MGST2: variants seen among roughly 807,000 people sequenced by gnomAD.
MGST2 encodes the protein microsomal glutathione S-transferase 2.
In MGST2, 9 loss-of-function variants were observed where a neutral mutation model predicts 16.6. That is an observed-to-expected ratio of 0.54 (90% CI 0.33 to 0.95). The LOEUF is 0.95. Ranked by LOEUF, MGST2 falls within the 40% of genes least tolerant of loss-of-function variation. The probability of loss-of-function intolerance (pLI) is 0.03; values close to 1 mark genes in which losing one functional copy is unlikely to be tolerated. For missense variants in MGST2, 159 were observed against 175.1 expected, an observed-to-expected ratio of 0.91 and a Z score of 0.52; for synonymous variants, 79 against 68.0, an observed-to-expected ratio of 1.16 and a Z score of -0.79.
chr4:139,685,713 G>T (rs2320532), intron 2 of MGST2, among the ~76,000 whole-genome samples: 42,736 of 152,098 alleles, frequency 0.28, 6,890 homozygotes, highest in East Asian at 0.51. Context: ...GCCCATACTG[G>T]AGTGCAATGG....
At chr4:139,676,441 A>G (rs1361072249) in intron 1 of MGST2, among the ~76,000 whole-genome samples, 4 of 152,192 alleles carry the variant, frequency 2.6e-5, no homozygotes, top group Non-Finnish European at 4.4e-5. Flanking sequence ...CAAGTCTGAA[A>G]TCTGCAGGAA....
intron 1 of MGST2, among the ~76,000 whole-genome samples, chr4:139,671,032 T>A (rs1477847337): frequency 1.3e-5 from 2 of 152,240 alleles, no homozygotes; most frequent in Admixed American, 1.3e-4. Context: ...AGGGCGTGAC[T>A]TAACCCTTGC....
the MGST2 span, among the ~76,000 whole-genome samples, chr4:139,752,370 T>C: frequency 6.6e-6 from 1 of 152,220 alleles, no homozygotes; most frequent in Non-Finnish European, 1.5e-5. Context: ...ACTAGGCTCC[T>C]ATACAACCAC....
intron 5 of MGST2, among the ~76,000 whole-genome samples, chr4:139,731,677 G>T (rs1412215339): frequency 6.6e-6 from 1 of 152,044 alleles, no homozygotes; most frequent in Non-Finnish European, 1.5e-5. Context: ...GTTGGATTGG[G>T]TCTCTTGATT....
chr4:139,676,311 G>A (rs532048869), intron 1 of MGST2, among the ~76,000 whole-genome samples: 6 of 152,172 alleles, frequency 3.9e-5, no homozygotes, highest in Admixed American at 3.9e-4. Flanking sequence ...CTCACCTGTT[G>A]ATGGATACTC....
intron 2 of MGST2, among the ~76,000 whole-genome samples, chr4:139,694,183 CT>C (rs566625479): frequency 0.022 from 3,110 of 139,278 alleles, 57 homozygotes; most frequent in African/African-American, 0.06. Flanking sequence ...TGTAATTATG[CT>C]TTTTTTTTTT....
At chr4:139,723,531 C>T (rs1252610235) in intron 5 of MGST2, among the ~76,000 whole-genome samples, 1 of 152,082 alleles carries the variant, frequency 6.6e-6, no homozygotes, top group African/African-American at 2.4e-5. Context: ...AGGCTGGTCT[C>T]GAACTCCCGA....
Position 139,718,528 on chromosome 4 carries a change from GTTTTGTATTGGGCGCCA to G in MGST2, c.*48+14333_*48+14349del, listed in dbSNP as rs1220662044. 3.9e-5 allele frequency: 6 copies of G among 152,478 alleles called. No homozygotes were observed. The East Asian group carries it at 9.7e-4, about 25-fold the overall frequency. 9.4% of individuals were successfully genotyped at this position (152,478 alleles called of 1,614,324 possible). A position where few individuals can be genotyped will look rare whatever the true frequency, so the allele number is the denominator to read the frequency against. The stretch of plus-strand genomic sequence containing the variant: ...AGATGTGACCCACCTGGATGTATGG[GTTTTGTATTGGGCGCCA>G]GCAGGCTCCAGCCCCACCTGGAGGG... On this transcript the variant is annotated intron_variant, in intron 5 of 5. Transcript: ENST00000616265.
At chr4:139,704,974 GA>G (rs1230974569), downstream of MGST2, among the ~76,000 whole-genome samples, 3 of 152,130 alleles carry the variant, frequency 2.0e-5, no homozygotes, top group Admixed American at 6.5e-5. Flanking sequence ...ACTTTATAAA[GA>G]AAAAAGTGTT....
intron 1 of MGST2, among the ~76,000 whole-genome samples, chr4:139,678,328 A>G (rs1410709014): frequency 6.6e-6 from 1 of 152,216 alleles, no homozygotes; most frequent in African/African-American, 2.4e-5. Flanking sequence ...TGTTTTTCAA[A>G]GTGGTTGTAC....
intron 5 of MGST2, among the ~76,000 whole-genome samples, chr4:139,738,491 C>T (rs374551369): frequency 1.3e-5 from 2 of 152,114 alleles, no homozygotes; most frequent in Non-Finnish European, 1.5e-5. Flanking sequence ...TGCAGTGAGC[C>T]GAGATTGCAC....
intron 1 of MGST2, among the ~76,000 whole-genome samples, chr4:139,666,441 A>C (rs1327099065): frequency 6.6e-6 from 1 of 152,160 alleles, no homozygotes; most frequent in African/African-American, 2.4e-5. Flanking sequence ...TATTAATTAC[A>C]AGTGTTCCAA....
At chr4:139,701,572 G>A (rs1560754123) in intron 3 of MGST2, among the ~76,000 whole-genome samples, 1 of 151,722 alleles carries the variant, frequency 6.6e-6, no homozygotes, top group South Asian at 2.1e-4. Context: ...TTTTTTCTTT[G>A]TTGTCTGTCT....
At chr4:139,701,768 A>C (rs1026079566) in intron 3 of MGST2, among the ~76,000 whole-genome samples, 1 of 152,006 alleles carries the variant, frequency 6.6e-6, no homozygotes, top group Non-Finnish European at 1.5e-5. Context: ...GTTCAAGACC[A>C]GCCTAGGCAA....
chr4:139,695,278 A>C lies in MGST2; in HGVS notation c.229+11A>C. 2.5e-6 allele frequency: 4 copies of C among 1,593,832 alleles called. No individual in the cohort carries two copies. The highest frequency in any genetic ancestry group is 3.4e-6 in the Non-Finnish European group (4 of 1,161,448). On this transcript the variant is annotated intron_variant, in intron 3 of 4. Coordinates refer to ENST00000265498, the MANE Select transcript of MGST2 (RefSeq NM_002413.5). ...GGTATTTCAACCAAGGTAATGTTAA[A>C]ATACAGTCAACTGTGTTCTAATGAT...
chr4:139,665,861 T>G lies in MGST2; in HGVS notation c.-159T>G. On this transcript the variant is annotated 5_prime_UTR_variant, in exon 1 of 5. Transcript: ENST00000265498. Reference sequence around the variant, plus strand: ...GCAGCCCCAGACCTGCCTGCCTTCCTGACTTCTGTTCCAGAGCAAAGGTCA... The same window carrying G: ...GCAGCCCCAGACCTGCCTGCCTTCCGGACTTCTGTTCCAGAGCAAAGGTCA... The G allele has an allele frequency of 1.4e-6, 1 of 737,950 alleles. No homozygotes were observed. Among genetic ancestry groups the G allele is most frequent in the Non-Finnish European group, 2.4e-6 (1 of 415,432 alleles). The allele number at this position is 737,950 out of a possible 1,614,324, so 45.7% of individuals were successfully genotyped here. A position where few individuals can be genotyped will look rare whatever the true frequency, so the allele number is the denominator to read the frequency against.
At chr4:139,670,849 G>A (rs1474691936) in intron 1 of MGST2, among the ~76,000 whole-genome samples, 2 of 151,624 alleles carry the variant, frequency 1.3e-5, no homozygotes, top group East Asian at 3.9e-4. Context: ...ATGGGTTGCA[G>A]TGAGCCGAGA....
chr4:139,747,856 C>T, the MGST2 span, among the ~76,000 whole-genome samples: 1 of 151,860 alleles, frequency 6.6e-6, no homozygotes, highest in African/African-American at 2.4e-5. Flanking sequence ...GAGTTCGACA[C>T]AAGCCTGATC....
downstream of MGST2, among the ~76,000 whole-genome samples, chr4:139,744,547 G>A (rs958223195): frequency 4.6e-5 from 7 of 152,194 alleles, no homozygotes; most frequent in Non-Finnish European, 8.8e-5. Flanking sequence ...AACACAATGT[G>A]TGGCGTGTAT....
Sources: gnomAD v4.1 joint callset for allele counts (sites outside exome capture counted in the v4.1 genomes callset) on GRCh38, gnomAD v4.1.1 for gene constraint, MANE v1.5 for transcripts, NCBI Gene and HGNC (gene_info 2026-07-23, HGNC 2026-07-21) for gene names.